ATRNL1: variants seen among roughly 807,000 people sequenced by gnomAD.
ATRNL1 encodes attractin-like protein 1.
Under a neutral mutation model 182.7 loss-of-function variants are expected in ATRNL1, and 95 were observed. The observed-to-expected ratio is 0.52, with a 90% CI of 0.44 to 0.62. The LOEUF is 0.62. Among genes scored for constraint, ATRNL1 ranks in the 20% least tolerant of loss-of-function variants. ATRNL1 has a pLI of 0.00. For synonymous variants in ATRNL1, 576 were observed against 568.3 expected (o/e 1.01, Z -0.19); for missense variants, 1,471 against 1,679.5 (o/e 0.88, Z 2.17).
intron 28 of ATRNL1, among the ~76,000 whole-genome samples, chr10:115,927,365 A>C (rs1307455724): frequency 6.6e-6 from 1 of 152,074 alleles, no homozygotes; most frequent in Non-Finnish European, 1.5e-5. Context: ...TTTCATTCAA[A>C]AATGATTAAT....
At chr10:115,860,681 C>T (rs782230871) in intron 28 of ATRNL1, among the ~76,000 whole-genome samples, 6 of 152,194 alleles carry the variant, frequency 3.9e-5, no homozygotes, top group Non-Finnish European at 7.3e-5. Context: ...TGTCCAGAAT[C>T]ATCTTGGACA....
intron 27 of ATRNL1, among the ~76,000 whole-genome samples, chr10:115,836,624 G>A (rs764542346): frequency 1.3e-5 from 2 of 152,082 alleles, no homozygotes; most frequent in East Asian, 1.9e-4. Context: ...TGAACTCTTC[G>A]GTGACTCTCC....
intron 27 of ATRNL1, among the ~76,000 whole-genome samples, chr10:115,736,038 A>G (rs528281042): frequency 4.9e-4 from 74 of 152,198 alleles, no homozygotes; most frequent in African/African-American, 1.3e-3. Context: ...TTTTTAACCT[A>G]CTTGGCATAT....
At chr10:115,188,960 A>G (rs967883011) in intron 8 of ATRNL1, among the ~76,000 whole-genome samples, 1 of 152,308 alleles carries the variant, frequency 6.6e-6, no homozygotes, top group Admixed American at 6.5e-5. Flanking sequence ...GTAGAGTTTC[A>G]TTTGTGCAGA....
chr10:115,866,052 C>T (rs1951433617), intron 28 of ATRNL1, among the ~76,000 whole-genome samples: 1 of 151,970 alleles, frequency 6.6e-6, no homozygotes, highest in Non-Finnish European at 1.5e-5. Context: ...ACTCCTAATG[C>T]AGCATTTGGA....
At chr10:115,636,596 C>G (rs1858889014) in intron 26 of ATRNL1, among the ~76,000 whole-genome samples, 1 of 152,058 alleles carries the variant, frequency 6.6e-6, no homozygotes, top group African/African-American at 2.4e-5. Flanking sequence ...CATGTTTCCT[C>G]AAAAATTGCT....
chr10:115,530,057 C>T (rs781913128), intron 25 of ATRNL1, among the ~76,000 whole-genome samples: 8 of 152,098 alleles, frequency 5.3e-5, no homozygotes, highest in Non-Finnish European at 1.2e-4. Flanking sequence ...TGGATCAGTA[C>T]TTTGTTTCTT....
intron 21 of ATRNL1, among the ~76,000 whole-genome samples, chr10:115,443,065 ATT>A (rs1846774745): frequency 6.6e-6 from 1 of 151,772 alleles, no homozygotes; most frequent in Non-Finnish European, 1.5e-5. Context: ...TGGTTTGGAG[ATT>A]TTTATTAGTT....
At chr10:115,641,305 T>C (rs1859231793) in intron 26 of ATRNL1, among the ~76,000 whole-genome samples, 1 of 152,206 alleles carries the variant, frequency 6.6e-6, no homozygotes, top group South Asian at 2.1e-4. Context: ...ATATAATCAA[T>C]TGATGCTTCT....
intron 25 of ATRNL1, among the ~76,000 whole-genome samples, chr10:115,543,152 A>T (rs61139966): frequency 0.028 from 4,211 of 152,234 alleles, 224 homozygotes; most frequent in African/African-American, 0.097. Flanking sequence ...CATTTGAAAT[A>T]ATCTTAACTA....
chr10:115,226,547 A>T (rs1300555075), intron 9 of ATRNL1, among the ~76,000 whole-genome samples: 1 of 145,928 alleles, frequency 6.9e-6, no homozygotes, highest in Non-Finnish European at 1.5e-5. Flanking sequence ...TACCAATGTC[A>T]TTCTTCCCAG....
At chr10:115,256,131 T>C (rs1342121980) in intron 10 of ATRNL1, among the ~76,000 whole-genome samples, 1 of 152,204 alleles carries the variant, frequency 6.6e-6, no homozygotes, top group African/African-American at 2.4e-5. Flanking sequence ...GGCTTTGGTA[T>C]CAGGATGATG....
At chr10:115,135,557 C>T (rs1554876423) in intron 5 of ATRNL1, among the ~76,000 whole-genome samples, 1 of 152,168 alleles carries the variant, frequency 6.6e-6, no homozygotes, top group African/African-American at 2.4e-5. Context: ...AATGGAAGAA[C>T]ATTCCATACT....
intron 28 of ATRNL1, among the ~76,000 whole-genome samples, chr10:115,940,434 T>G (rs782177253): frequency 6.6e-6 from 1 of 152,192 alleles, no homozygotes; most frequent in Non-Finnish European, 1.5e-5. Context: ...TATTGCAGAT[T>G]ATAGCTCGGT....
At chr10:115,824,053 C>T (rs1386328485) in intron 27 of ATRNL1, among the ~76,000 whole-genome samples, 2 of 152,156 alleles carry the variant, frequency 1.3e-5, no homozygotes, top group African/African-American at 4.8e-5. Context: ...GTAACCAAAA[C>T]AGCATGATAC....
At chr10:115,549,809 A>T (rs1279999162) in intron 26 of ATRNL1, among the ~76,000 whole-genome samples, 1 of 152,026 alleles carries the variant, frequency 6.6e-6, no homozygotes, top group Non-Finnish European at 1.5e-5. Flanking sequence ...TGTTTAAAAA[A>T]TTTTGTAATA....
At chr10:115,300,645 A>G (rs1853424527) in intron 16 of ATRNL1, among the ~76,000 whole-genome samples, 1 of 152,172 alleles carries the variant, frequency 6.6e-6, no homozygotes, top group Non-Finnish European at 1.5e-5. Context: ...TTTTTGTTAC[A>G]TCTTCTGAAA....
chr10:115,899,097 T>C (rs1487632794), intron 28 of ATRNL1, among the ~76,000 whole-genome samples: 3 of 152,100 alleles, frequency 2.0e-5, no homozygotes, highest in Non-Finnish European at 4.4e-5. Flanking sequence ...CCTAATGCTA[T>C]CCTTCCCCCA....
At chr10:115,195,001 A>G (rs1420892425) in intron 8 of ATRNL1, among the ~76,000 whole-genome samples, 9 of 151,978 alleles carry the variant, frequency 5.9e-5, no homozygotes, top group African/African-American at 1.9e-4. Flanking sequence ...AAAGCTCTAT[A>G]CATTCTTTTT....
Sources: allele counts gnomAD v4.1 joint callset (sites outside exome capture counted in the v4.1 genomes callset), GRCh38; gene constraint gnomAD v4.1.1; transcripts MANE v1.5; gene names NCBI Gene and HGNC (gene_info 2026-07-23, HGNC 2026-07-21).